The following HDAC9 variants were observed in gnomAD, a reference collection of about 807,000 sequenced individuals.
HDAC9 encodes histone deacetylase 9, also known as MEF-2 interacting transcription repressor (MITR) protein.
Under a neutral mutation model 139.4 loss-of-function variants are expected in HDAC9, and 41 were observed. The ratio of observed to expected loss-of-function variants is 0.29; its 90% CI spans 0.23 to 0.38. The LOEUF is 0.38. Among genes scored for constraint, HDAC9 ranks in the 10% least tolerant of loss-of-function variants. HDAC9 has a pLI of 1.00. For missense variants in HDAC9, 1,147 were observed against 1,297.0 expected (o/e 0.88, Z 1.78); for synonymous variants, 517 against 476.2 (o/e 1.09, Z -1.12).
chr7:18,356,366 T>TTTTG (rs1554388647), intron 1 of HDAC9, among the ~76,000 whole-genome samples: 2 of 141,704 alleles, frequency 1.4e-5, no homozygotes, highest in Admixed American at 7.1e-5. Context: ...AGGTTTTTTT[T>TTTTG]TTTTTTTTTT....
upstream of HDAC9, among the ~76,000 whole-genome samples, chr7:18,495,254 G>A (rs955581510): frequency 3.9e-5 from 6 of 152,018 alleles, no homozygotes; most frequent in Non-Finnish European, 8.8e-5. Flanking sequence ...CTGTGCGTGG[G>A]TGAGGCAGAA....
intron 12 of HDAC9, among the ~76,000 whole-genome samples, chr7:18,678,476 G>C (rs778747013): frequency 9.2e-5 from 14 of 151,674 alleles, no homozygotes; most frequent in Non-Finnish European, 1.8e-4. Context: ...TAGACTGCTT[G>C]ATACTGTCTC....
intron 13 of HDAC9, among the ~76,000 whole-genome samples, chr7:18,728,692 C>T (rs1299718130): frequency 1.3e-5 from 2 of 152,218 alleles, no homozygotes; most frequent in East Asian, 3.9e-4. Context: ...GGATTCAGAG[C>T]TTGTTTTTGT....
At chr7:18,881,722 G>A (rs1024960008) in intron 22 of HDAC9, among the ~76,000 whole-genome samples, 8 of 152,028 alleles carry the variant, frequency 5.3e-5, no homozygotes, top group African/African-American at 1.9e-4. Flanking sequence ...TAATGTTATG[G>A]TTGTAATATT....
At chr7:18,796,175 A>G (rs1792784900) in intron 17 of HDAC9, among the ~76,000 whole-genome samples, 1 of 152,172 alleles carries the variant, frequency 6.6e-6, no homozygotes, top group Non-Finnish European at 1.5e-5. Flanking sequence ...ATGTGCCTGG[A>G]TATAGTGTGG....
At chr7:18,893,430 C>T (rs1243123095) in intron 22 of HDAC9, among the ~76,000 whole-genome samples, 1 of 152,154 alleles carries the variant, frequency 6.6e-6, no homozygotes, top group Admixed American at 6.6e-5. Context: ...ATACATCAGG[C>T]ATCTAGTGCT....
intron 2 of HDAC9, among the ~76,000 whole-genome samples, chr7:18,251,246 T>C (rs1449831087): frequency 6.6e-6 from 1 of 152,046 alleles, no homozygotes; most frequent in African/African-American, 2.4e-5. Context: ...CTCAGCAAAC[T>C]AATGCAGAGA....
At chr7:18,682,823 A>C (rs1781982797) in intron 12 of HDAC9, among the ~76,000 whole-genome samples, 1 of 151,964 alleles carries the variant, frequency 6.6e-6, no homozygotes, top group African/African-American at 2.4e-5. Context: ...TCTAATAAAA[A>C]TACAAAAATT....
intron 1 of HDAC9, among the ~76,000 whole-genome samples, chr7:18,397,143 A>T (rs1330300539): frequency 6.6e-6 from 1 of 152,108 alleles, no homozygotes; most frequent in Non-Finnish European, 1.5e-5. Flanking sequence ...TGTGAATGGA[A>T]ATAGAAGGCA....
At chr7:18,473,083 C>G (rs946043539) in intron 1 of HDAC9, among the ~76,000 whole-genome samples, 2 of 152,178 alleles carry the variant, frequency 1.3e-5, no homozygotes, top group African/African-American at 4.8e-5. Context: ...CTGTGGGGAG[C>G]TGAGATCACT....
At chr7:18,140,750 A>G (rs1172671932) in intron 1 of HDAC9, among the ~76,000 whole-genome samples, 1 of 152,110 alleles carries the variant, frequency 6.6e-6, no homozygotes, top group Non-Finnish European at 1.5e-5. Flanking sequence ...ACATACACAT[A>G]TATAGAATAC....
At chr7:18,354,842 C>G (rs1487121859) in intron 1 of HDAC9, among the ~76,000 whole-genome samples, 1 of 152,116 alleles carries the variant, frequency 6.6e-6, no homozygotes, top group African/African-American at 2.4e-5. Context: ...TTTAGACAGT[C>G]AACACATCGG....
chr7:18,725,230 C>A (rs916046408), intron 12 of HDAC9, among the ~76,000 whole-genome samples: 1 of 152,004 alleles, frequency 6.6e-6, no homozygotes, highest in African/African-American at 2.4e-5. Context: ...ATAATGAATC[C>A]AATATATGCC....
Position 18,496,206 on chromosome 7 carries a change from G to C in HDAC9, c.-41-56G>C, listed in dbSNP as rs774948270. ...TGAATGTTTCATGTAGCTGAAGTAA[G>C]AGTGACTGGAATATGCTGCAGACAA... is the stretch of plus-strand genomic sequence containing the variant. On this transcript the variant is annotated intron_variant, in intron 1 of 25. Coordinates refer to ENST00000686413, the MANE Select transcript of HDAC9 (RefSeq NM_178425.4). 3 of 1,572,100 alleles carry C rather than the reference G, an allele frequency of 1.9e-6. No individual in the cohort carries two copies. The East Asian group carries it at 6.7e-5, about 35-fold the overall frequency.
chr7:18,393,652 A>G (rs572562821), intron 1 of HDAC9, among the ~76,000 whole-genome samples: 5 of 152,166 alleles, frequency 3.3e-5, no homozygotes, highest in Admixed American at 2.0e-4. Context: ...ACAGAATTTT[A>G]GAGTATTATG....
At chr7:18,729,871 A>G (rs1178107858) in intron 13 of HDAC9, among the ~76,000 whole-genome samples, 1 of 152,240 alleles carries the variant, frequency 6.6e-6, no homozygotes, top group African/African-American at 2.4e-5. Context: ...TTCAATAAAC[A>G]TTTTAGTTGA....
At chr7:18,636,108 T>G (rs1783795834) in intron 8 of HDAC9, among the ~76,000 whole-genome samples, 1 of 152,096 alleles carries the variant, frequency 6.6e-6, no homozygotes, top group Non-Finnish European at 1.5e-5. Flanking sequence ...ATTTGCACAC[T>G]TGAGTTTTGA....
chr7:18,958,057 G>A (rs75432518), intron 24 of HDAC9, among the ~76,000 whole-genome samples: 1,532 of 152,218 alleles, frequency 0.01, 23 homozygotes, highest in African/African-American at 0.034. Flanking sequence ...CTGGAGGTGC[G>A]TTGGCTCCTT....
intron 24 of HDAC9, among the ~76,000 whole-genome samples, chr7:18,971,742 A>C (rs982989751): frequency 6.6e-6 from 1 of 152,222 alleles, no homozygotes; most frequent in Admixed American, 6.5e-5. Context: ...GTTTTGGGTT[A>C]TTTCTGAGTC....
Sources: gnomAD v4.1 joint callset for allele counts (sites outside exome capture counted in the v4.1 genomes callset) on GRCh38, gnomAD v4.1.1 for gene constraint, MANE v1.5 for transcripts, NCBI Gene and HGNC (gene_info 2026-07-23, HGNC 2026-07-21) for gene names.